Variants in TRAPPC9 observed in about 807,000 individuals in gnomAD.
TRAPPC9 encodes the protein trafficking protein particle complex subunit 9.
A neutral mutation model predicts 124.0 loss-of-function variants in TRAPPC9; 83 were observed. The ratio of observed to expected loss-of-function variants is 0.67; its 90% CI spans 0.56 to 0.80. TRAPPC9 has a LOEUF of 0.80. Ranked by LOEUF, TRAPPC9 falls within the 30% of genes least tolerant of loss-of-function variation. The pLI is 0.00. For synonymous variants in TRAPPC9, 638 were observed against 617.5 expected (o/e 1.03, Z -0.49); for missense variants, 1,302 against 1,508.3 (o/e 0.86, Z 2.27).
At chr8:140,292,765 GA>G (rs2065695947) in intron 11 of TRAPPC9, among the ~76,000 whole-genome samples, 1 of 148,958 alleles carries the variant, frequency 6.7e-6, no homozygotes, top group Non-Finnish European at 1.5e-5. Context: ...AAAAACCCTA[GA>G]AGAAAACCTA....
chr8:140,108,953 C>T (rs888438653), intron 17 of TRAPPC9, among the ~76,000 whole-genome samples: 3 of 152,136 alleles, frequency 2.0e-5, no homozygotes, highest in African/African-American at 7.2e-5. Flanking sequence ...TTCGAGAAGC[C>T]TTTTTACTTA....
chr8:140,228,021 G>C (rs2063495461), intron 16 of TRAPPC9, among the ~76,000 whole-genome samples: 2 of 152,176 alleles, frequency 1.3e-5, no homozygotes, highest in African/African-American at 2.4e-5. Context: ...CACATCACTG[G>C]GTCAAAACTG....
At chr8:140,034,086 G>C (rs1840726961) in intron 17 of TRAPPC9, among the ~76,000 whole-genome samples, 4 of 152,210 alleles carry the variant, frequency 2.6e-5, no homozygotes, top group African/African-American at 9.6e-5. Context: ...ACCTGCTAGG[G>C]AATCATCAAC....
rs138837555 is a variant in TRAPPC9, at chr8:140,344,548, C to T, written c.1495+15502G>A. Among the ~76,000 whole-genome samples, 346 of 152,236 alleles carry T rather than the reference C, an allele frequency of 2.3e-3. 1 individual carries two copies. The highest frequency in any genetic ancestry group is 7.9e-3 in the African/African-American group (328 of 41,548). ...TAGCAAGGAGGGAGACTGATGGTAG[C>T]GCCAGGCAGAGAAGGGTGGGCGTTT... On this transcript the variant is annotated intron_variant, in intron 9 of 22. Transcript: ENST00000438773.
chr8:140,448,409 G>A (rs114828555), intron 2 of TRAPPC9, among the ~76,000 whole-genome samples: 2 of 152,206 alleles, frequency 1.3e-5, no homozygotes, highest in African/African-American at 2.4e-5. Flanking sequence ...TCCACTATGC[G>A]TGACGCACTG....
At chr8:139,731,648 G>A (rs899048808) in intron 22 of TRAPPC9, among the ~76,000 whole-genome samples, 5 of 152,106 alleles carry the variant, frequency 3.3e-5, no homozygotes, top group African/African-American at 4.8e-5. Flanking sequence ...CGGCAGGCAC[G>A]GGATGGGTGA....
chr8:140,133,100 A>G (rs2061234929), intron 17 of TRAPPC9, among the ~76,000 whole-genome samples: 2 of 152,236 alleles, frequency 1.3e-5, no homozygotes. Context: ...CAAGCCAAAG[A>G]CATCAGAAGA....
rs140263115 is a variant in TRAPPC9, at chr8:139,916,217, G to A, written c.2811-5917C>T. Among the ~76,000 whole-genome samples, 10 of 152,322 alleles carry A rather than the reference G, an allele frequency of 6.6e-5. No individual in the cohort carries two copies. The East Asian group carries it at 1.7e-3, about 26-fold the overall frequency. ...ACAATTTTAAAGTTCCTCACAATGT[G>A]CAAAACACACTGGGGTTTAGTTTTT... On this transcript the variant is annotated intron_variant, in intron 19 of 22. Transcript: ENST00000438773.
chr8:140,083,698 G>T (rs527743971), intron 17 of TRAPPC9, among the ~76,000 whole-genome samples: 1 of 151,740 alleles, frequency 6.6e-6, no homozygotes, highest in African/African-American at 2.4e-5. Context: ...ATGGAGTCTC[G>T]CTCTGTCACC....
At chr8:139,938,902 C>T (rs1289874481) in intron 19 of TRAPPC9, among the ~76,000 whole-genome samples, 2 of 152,212 alleles carry the variant, frequency 1.3e-5, no homozygotes, top group Non-Finnish European at 2.9e-5. Flanking sequence ...GCCTCGGCCT[C>T]CCAAAGTGCT....
At chr8:139,902,759 G>T (rs986928714) in intron 20 of TRAPPC9, among the ~76,000 whole-genome samples, 1 of 152,148 alleles carries the variant, frequency 6.6e-6, no homozygotes, top group Non-Finnish European at 1.5e-5. Context: ...CGAAGGGTGG[G>T]CCCACACAGC....
intron 19 of TRAPPC9, among the ~76,000 whole-genome samples, chr8:139,962,192 C>T (rs1397638890): frequency 2.4e-5 from 3 of 124,534 alleles, no homozygotes; most frequent in Admixed American, 8.5e-5. Context: ...CTTTGTACCT[C>T]AGTCTTCCTG....
At chr8:140,447,004 C>T (rs771206240) in intron 2 of TRAPPC9, among the ~76,000 whole-genome samples, 26 of 152,322 alleles carry the variant, frequency 1.7e-4, no homozygotes, top group African/African-American at 5.8e-4. Context: ...CCTTCATGCA[C>T]GGCCCACAGC....
chr8:140,035,834 G>T (rs1840841182), intron 17 of TRAPPC9, among the ~76,000 whole-genome samples: 1 of 152,192 alleles, frequency 6.6e-6, no homozygotes, highest in South Asian at 2.1e-4. Context: ...CCAACACCAG[G>T]CAAGGCGGTA....
At chr8:140,196,929 AAC>A (rs1337409512) in intron 17 of TRAPPC9, among the ~76,000 whole-genome samples, 1 of 152,234 alleles carries the variant, frequency 6.6e-6, no homozygotes, top group Non-Finnish European at 1.5e-5. Flanking sequence ...GTGACATGAA[AAC>A]ACACACAACG....
chr8:140,357,806 C>T (rs1230297435), intron 9 of TRAPPC9, among the ~76,000 whole-genome samples: 1 of 152,202 alleles, frequency 6.6e-6, no homozygotes, highest in African/African-American at 2.4e-5. Context: ...TCCACGGTGG[C>T]CCTGCTGGCC....
intron 4 of TRAPPC9, among the ~76,000 whole-genome samples, chr8:140,434,078 C>G (rs1046309185): frequency 6.6e-6 from 1 of 152,212 alleles, no homozygotes; most frequent in Admixed American, 6.5e-5. Flanking sequence ...TAACTGCAGG[C>G]TACCACTTCA....
At chr8:140,255,765 A>G (rs762494179) in intron 15 of TRAPPC9, among the ~76,000 whole-genome samples, 62 of 152,296 alleles carry the variant, frequency 4.1e-4, no homozygotes, top group South Asian at 3.5e-3. Flanking sequence ...GCACACCTGT[A>G]GTCCTGGCTA....
At chr8:140,255,395 C>T (rs1442582711) in intron 15 of TRAPPC9, among the ~76,000 whole-genome samples, 1 of 152,208 alleles carries the variant, frequency 6.6e-6, no homozygotes. Context: ...ATATTAGCTG[C>T]CCTTCAGCAT....
Sources: gnomAD v4.1 joint callset for allele counts (sites outside exome capture counted in the v4.1 genomes callset) on GRCh38, gnomAD v4.1.1 for gene constraint, MANE v1.5 for transcripts, NCBI Gene and HGNC (gene_info 2026-07-23, HGNC 2026-07-21) for gene names.